FSTL5: variants seen among roughly 807,000 people sequenced by gnomAD.
FSTL5 encodes follistatin-related protein 5.
In FSTL5, 62 loss-of-function variants were observed where a neutral mutation model predicts 89.1. The ratio of observed to expected loss-of-function variants is 0.70; its 90% CI spans 0.57 to 0.86. FSTL5 has a LOEUF of 0.86. Among genes scored for constraint, FSTL5 ranks in the 40% least tolerant of loss-of-function variants. The pLI, the probability that FSTL5 is intolerant of heterozygous loss-of-function variation, is 0.00. For missense variants in FSTL5, 1,057 were observed against 1,001.6 expected (o/e 1.06, Z -0.75); for synonymous variants, 383 against 346.2 (o/e 1.11, Z -1.18).
At chr4:162,015,453 CT>C (rs1387666488) in intron 3 of FSTL5, among the ~76,000 whole-genome samples, 1 of 152,162 alleles carries the variant, frequency 6.6e-6, no homozygotes, top group East Asian at 1.9e-4. Flanking sequence ...CGCTTCTTCT[CT>C]GATATTCATG....
At chr4:161,412,039 C>T (rs1219401109) in intron 15 of FSTL5, among the ~76,000 whole-genome samples, 1 of 152,096 alleles carries the variant, frequency 6.6e-6, no homozygotes. Context: ...CATTTCCATA[C>T]ACTAACAACA....
chr4:161,529,730 CT>C (rs1731347204), intron 10 of FSTL5, among the ~76,000 whole-genome samples: 1 of 141,720 alleles, frequency 7.1e-6, no homozygotes, highest in Non-Finnish European at 1.5e-5. Flanking sequence ...TTGACTCTAG[CT>C]CTTAGCTCAT....
chr4:161,516,693 T>C (rs1730847493), intron 10 of FSTL5, among the ~76,000 whole-genome samples: 1 of 137,388 alleles, frequency 7.3e-6, no homozygotes, highest in African/African-American at 2.7e-5. Flanking sequence ...GTATAGTGAA[T>C]TTATTATATG....
chr4:161,703,868 G>A (rs1356099118), intron 6 of FSTL5, among the ~76,000 whole-genome samples: 2 of 151,968 alleles, frequency 1.3e-5, no homozygotes, highest in Admixed American at 6.6e-5. Context: ...TTTGAACATG[G>A]AAATGTAGTA....
At chr4:161,979,202 T>C (rs764113889) in intron 3 of FSTL5, among the ~76,000 whole-genome samples, 7 of 152,192 alleles carry the variant, frequency 4.6e-5, no homozygotes, top group Non-Finnish European at 8.8e-5. Flanking sequence ...TTTTGGACTC[T>C]TTCCTTTCAC....
intron 1 of FSTL5, among the ~76,000 whole-genome samples, chr4:162,146,696 T>C (rs1409468438): frequency 1.0e-4 from 5 of 49,030 alleles, no homozygotes; most frequent in East Asian, 5.6e-4. Context: ...TTCCCTTCCC[T>C]TCCCTTCCCT....
Position 161,759,515 on chromosome 4 carries a change from TCTTC to T in FSTL5, c.619_622del (p.Glu207AsnfsTer15). 6.4e-7 allele frequency: 1 copy of T among 1,559,578 alleles called. No homozygotes were observed. Among genetic ancestry groups the T allele is most frequent in the Non-Finnish European group, 8.7e-7 (1 of 1,153,050 alleles). On this transcript the variant is annotated frameshift_variant, in exon 6 of 16. Coordinates refer to ENST00000306100, the MANE Select transcript of FSTL5 (RefSeq NM_020116.5). LOFTEE classifies it high-confidence loss of function. ...ACAATCAAAGAGATCCTTGCCAAGT[TCTTC>T]CTGTTTTATCACCTAACAAGAAAAT...
intron 3 of FSTL5, among the ~76,000 whole-genome samples, chr4:162,018,948 C>T (rs1033428753): frequency 6.6e-6 from 1 of 152,120 alleles, no homozygotes; most frequent in Non-Finnish European, 1.5e-5. Flanking sequence ...TATAGTATCA[C>T]TGCAGTAACT....
chr4:161,969,297 A>G (rs2111008385), intron 3 of FSTL5, among the ~76,000 whole-genome samples: 1 of 152,232 alleles, frequency 6.6e-6, no homozygotes, highest in East Asian at 1.9e-4. Context: ...CTCTCAAGTG[A>G]TTTTATCCAC....
chr4:161,440,397 T>C (rs7699196), intron 15 of FSTL5, among the ~76,000 whole-genome samples: 33,674 of 151,484 alleles, frequency 0.22, 4,344 homozygotes, highest in Non-Finnish European at 0.3. Context: ...CTAACACTAA[T>C]GACAGCTGAT....
At chr4:161,445,564 G>T (rs1403775211) in intron 15 of FSTL5, among the ~76,000 whole-genome samples, 1 of 151,572 alleles carries the variant, frequency 6.6e-6, no homozygotes, top group African/African-American at 2.4e-5. Flanking sequence ...GTCCAAAAAT[G>T]GTTTTCAAGT....
chr4:162,079,397 C>G (rs1561007381), intron 2 of FSTL5, among the ~76,000 whole-genome samples: 1 of 151,592 alleles, frequency 6.6e-6, no homozygotes, highest in African/African-American at 2.4e-5. Flanking sequence ...AGCTGTATCT[C>G]TTTCTTTTTC....
At chr4:162,049,001 G>C (rs867868115) in intron 2 of FSTL5, among the ~76,000 whole-genome samples, 4 of 152,160 alleles carry the variant, frequency 2.6e-5, no homozygotes, top group African/African-American at 9.7e-5. Flanking sequence ...AACTCTTGAA[G>C]TGGTATATTT....
intron 6 of FSTL5, among the ~76,000 whole-genome samples, chr4:161,719,779 T>C (rs1315129418): frequency 6.6e-6 from 1 of 152,190 alleles, no homozygotes; most frequent in Non-Finnish European, 1.5e-5. Flanking sequence ...TAGTGTATTG[T>C]AATGCAAACA....
At chr4:161,993,629 G>A (rs910642920) in intron 3 of FSTL5, among the ~76,000 whole-genome samples, 1 of 151,886 alleles carries the variant, frequency 6.6e-6, no homozygotes. Flanking sequence ...TGTAAATATA[G>A]GACTTATCCC....
chr4:161,958,181 G>A (rs1390268812), intron 3 of FSTL5, among the ~76,000 whole-genome samples: 5 of 151,526 alleles, frequency 3.3e-5, no homozygotes, highest in Non-Finnish European at 7.4e-5. Context: ...GTTCATTTGC[G>A]GTTTTAGTTA....
chr4:161,699,609 CT>C (rs1203402318), intron 6 of FSTL5, among the ~76,000 whole-genome samples: 3 of 152,186 alleles, frequency 2.0e-5, no homozygotes, highest in African/African-American at 7.2e-5. Context: ...CATTAATTAA[CT>C]TTCATTTAAG....
intron 8 of FSTL5, among the ~76,000 whole-genome samples, chr4:161,558,554 CT>C (rs113836162): frequency 0.3 from 44,870 of 151,582 alleles, 7,092 homozygotes; most frequent in Non-Finnish European, 0.35. Flanking sequence ...AAATGTTACT[CT>C]TAACTTTCTC....
intron 2 of FSTL5, among the ~76,000 whole-genome samples, chr4:162,078,770 AGTGT>A (rs1729970045): frequency 6.6e-6 from 1 of 151,926 alleles, no homozygotes; most frequent in African/African-American, 2.4e-5. Context: ...ACTGACTATG[AGTGT>A]CAAGGGAACC....
Sources: allele counts gnomAD v4.1 joint callset (sites outside exome capture counted in the v4.1 genomes callset), GRCh38; gene constraint gnomAD v4.1.1; transcripts MANE v1.5; gene names NCBI Gene and HGNC (gene_info 2026-07-23, HGNC 2026-07-21).